Variants in CDKN2B-AS1 observed in about 807,000 individuals in gnomAD.
CDKN2B-AS1 encodes CDKN2B and CDKN2A antisense cis and trans regulatory RNA 1, also known as CDKN2B antisense RNA 1 (non-protein coding).
chr9:22,064,358 G>T (rs1483163778), intron 4 of CDKN2B-AS1, among the ~76,000 whole-genome samples: 1 of 152,148 alleles, frequency 6.6e-6, no homozygotes, highest in East Asian at 1.9e-4. Flanking sequence ...TGTGTCAGAT[G>T]AAATACACAG....
intron 4 of CDKN2B-AS1, among the ~76,000 whole-genome samples, chr9:22,109,947 G>A (rs1207646648): frequency 6.6e-6 from 1 of 152,046 alleles, no homozygotes; most frequent in East Asian, 1.9e-4. Flanking sequence ...CCTTTCTGCA[G>A]CTTCCATCCT....
At chr9:22,094,603 A>C (rs1318796836) in intron 4 of CDKN2B-AS1, among the ~76,000 whole-genome samples, 1 of 144,370 alleles carries the variant, frequency 6.9e-6, no homozygotes, top group African/African-American at 2.9e-5. Context: ...AGTTGATCGA[A>C]TCGGCTACTG....
chr9:22,062,976 G>GACACACACAC (rs534087244), intron 4 of CDKN2B-AS1, among the ~76,000 whole-genome samples: 21,660 of 123,964 alleles, frequency 0.17, 2,607 homozygotes, highest in African/African-American at 0.33. Flanking sequence ...GTGAAAGACA[G>GACACACACAC]ACACACACAC....
chr9:22,105,405 C>G (rs555479900), intron 4 of CDKN2B-AS1, among the ~76,000 whole-genome samples: 1 of 152,258 alleles, frequency 6.6e-6, no homozygotes, highest in African/African-American at 2.4e-5. Context: ...GATAGCTCAC[C>G]TTTCTTCCAT....
intron 4 of CDKN2B-AS1, among the ~76,000 whole-genome samples, chr9:22,114,349 G>C (rs537070461): frequency 6.6e-6 from 1 of 152,296 alleles, no homozygotes; most frequent in African/African-American, 2.4e-5. Flanking sequence ...TTGAATCACT[G>C]TGTTAGTTCA....
At chr9:22,097,522 G>A (rs1335424402) in intron 4 of CDKN2B-AS1, among the ~76,000 whole-genome samples, 2 of 152,136 alleles carry the variant, frequency 1.3e-5, no homozygotes, top group African/African-American at 2.4e-5. Context: ...AAAGTTGAAA[G>A]AATAATAACT....
chr9:22,092,598 A>G (rs1296661773), intron 4 of CDKN2B-AS1: 1 of 152,158 alleles, frequency 6.6e-6, no homozygotes, highest in Non-Finnish European at 1.5e-5. Flanking sequence ...TAGATTTTCT[A>G]GTTTATTTGC....
intron 1 of CDKN2B-AS1, among the ~76,000 whole-genome samples, chr9:22,027,654 G>A (rs1173758961): frequency 6.6e-6 from 1 of 152,090 alleles, no homozygotes; most frequent in African/African-American, 2.4e-5. Flanking sequence ...TAGCCATTCA[G>A]CAAATATTTA....
At chr9:22,060,763 A>AATCAT (rs1356937477) in intron 4 of CDKN2B-AS1, among the ~76,000 whole-genome samples, 2 of 152,222 alleles carry the variant, frequency 1.3e-5, no homozygotes, top group African/African-American at 2.4e-5. Flanking sequence ...GAGGCCTTAG[A>AATCAT]ATCATGGCAG....
chr9:22,068,696 G>C (rs75523870), intron 4 of CDKN2B-AS1, among the ~76,000 whole-genome samples: 1 of 152,172 alleles, frequency 6.6e-6, no homozygotes, highest in African/African-American at 2.4e-5. Context: ...TTTAGTAAAC[G>C]TGGATATGTG....
At chr9:22,075,632 G>A (rs1248510407) in intron 4 of CDKN2B-AS1, among the ~76,000 whole-genome samples, 2 of 152,180 alleles carry the variant, frequency 1.3e-5, no homozygotes, top group East Asian at 3.9e-4. Flanking sequence ...CTTCTTTCCT[G>A]ACATGGGCTT....
intron 4 of CDKN2B-AS1, among the ~76,000 whole-genome samples, chr9:22,079,976 A>G (rs1226931295): frequency 2.6e-5 from 4 of 152,228 alleles, no homozygotes; most frequent in Non-Finnish European, 5.9e-5. Context: ...ATGAAAACGA[A>G]TTTTACAGAA....
chr9:22,121,471 T>C (rs368952296), intron 4 of CDKN2B-AS1, among the ~76,000 whole-genome samples: 2 of 152,090 alleles, frequency 1.3e-5, no homozygotes, highest in African/African-American at 2.4e-5. Flanking sequence ...AGTCATCCTA[T>C]AGTGGGTATA....
chr9:22,112,531 G>A (rs1825828725), intron 4 of CDKN2B-AS1: 1 of 152,140 alleles, frequency 6.6e-6, no homozygotes, highest in African/African-American at 2.4e-5. Flanking sequence ...TAAAAACATG[G>A]ATATTTTCTT....
intron 4 of CDKN2B-AS1, among the ~76,000 whole-genome samples, chr9:22,084,935 C>T (rs1267672421): frequency 6.6e-6 from 1 of 152,120 alleles, no homozygotes; most frequent in Non-Finnish European, 1.5e-5. Context: ...GATACTTAAT[C>T]TCCATAAGTG....
intron 1 of CDKN2B-AS1, among the ~76,000 whole-genome samples, chr9:22,008,255 G>A (rs1400682200): frequency 6.6e-6 from 1 of 152,108 alleles, no homozygotes. Context: ...TTTCTCTTAT[G>A]CATCACTCAT....
intron 4 of CDKN2B-AS1, among the ~76,000 whole-genome samples, chr9:22,100,412 G>A (rs917432285): frequency 1.3e-5 from 2 of 152,134 alleles, no homozygotes; most frequent in African/African-American, 2.4e-5. Context: ...CATACAAAAG[G>A]TGGTGTTCTG....
intron 1 of CDKN2B-AS1, chr9:22,030,938 C>T (rs576485900): frequency 2.0e-5 from 3 of 152,216 alleles, no homozygotes; most frequent in Non-Finnish European, 4.4e-5. Flanking sequence ...GGGGTCATTT[C>T]TTTCACCAGG....
rs1435869570 is a variant in CDKN2B-AS1 at position 22,005,152 on chromosome 9, G to A, written n.29+9991G>A. ...TGTGTGTGTGTGTGTGAAAGAAAAC[G>A]TTACAGTTAACCGTTACAATTGCTC... On this transcript the variant is annotated intron_variant and non_coding_transcript_variant, in intron 1 of 4. Coordinates refer to ENST00000650946, the Ensembl canonical transcript of CDKN2B-AS1. This position sits in a 1 kb window ranked among gnomAD's most constrained non-coding sequence, Gnocchi z 4.9. The A allele has an allele frequency of 8.7e-6, 2 of 229,720 alleles. No individual in the cohort carries two copies. Among genetic ancestry groups the A allele is most frequent in the Non-Finnish European group, 1.7e-5 (2 of 117,072 alleles). 14.2% of individuals were successfully genotyped at this position (229,720 alleles called of 1,614,324 possible). A position where few individuals can be genotyped will look rare whatever the true frequency, so the allele number is the denominator to read the frequency against.
Sources: gnomAD v4.1 joint callset for allele counts (sites outside exome capture counted in the v4.1 genomes callset) on GRCh38, gnomAD v4.1.1 for gene constraint, Gnocchi (gnomAD v3.1) non-coding constraint, MANE v1.5 for transcripts, NCBI Gene and HGNC (gene_info 2026-07-23, HGNC 2026-07-21) for gene names.